Variants in DAB2IP observed in about 807,000 individuals in gnomAD.
The protein encoded by DAB2IP is disabled homolog 2-interacting protein.
Under a neutral mutation model 107.2 loss-of-function variants are expected in DAB2IP, and 28 were observed. The ratio of observed to expected loss-of-function variants is 0.26; its 90% confidence interval spans 0.19 to 0.36. DAB2IP has a LOEUF of 0.36. DAB2IP is among the 10% of genes least tolerant of loss of function. The pLI is 1.00. For synonymous variants in DAB2IP, 755 were observed against 706.4 expected (o/e 1.07, Z -1.09); for missense variants, 1,400 against 1,644.7 (o/e 0.85, Z 2.57).
chr9:121,770,692 G>T, exon 11 of DAB2IP: 1 of 1,614,144 alleles, frequency 6.2e-7, no homozygotes, highest in Non-Finnish European at 8.5e-7. Context: ...CAGCTGGGCT[G>T]CAGAAGATGG....
At chr9:121,602,413 A>G (rs548951728) in intron 1 of DAB2IP, among the ~76,000 whole-genome samples, 4 of 152,142 alleles carry the variant, frequency 2.6e-5, no homozygotes, top group South Asian at 2.1e-4. Context: ...TATATTTTGG[A>G]GACAGGGTCT....
chr9:121,601,216 A>G (rs1222226916), intron 1 of DAB2IP, among the ~76,000 whole-genome samples: 1 of 152,186 alleles, frequency 6.6e-6, no homozygotes, highest in African/African-American at 2.4e-5. Flanking sequence ...AGAGCAAATG[A>G]ACTAAATAAC....
In DAB2IP at chr9:121,599,268, C is replaced by T. The variant is rs114696606; in HGVS notation, c.40+32040C>T. On this transcript the variant is annotated intron_variant, in intron 1 of 16. Transcript: ENST00000259371. This position sits in a 1 kb window ranked among gnomAD's most constrained non-coding sequence, Gnocchi z 6.9. ...CTCTGGACTCCTGGAGGCCTGGGGA[C>T]TCCGGGAGGGGAGGGGGCGTGTGGT... Among the ~76,000 whole-genome samples the T allele has an allele frequency of 3.7e-3, 561 of 152,294 alleles. 3 individuals are homozygous for T. Among genetic ancestry groups the T allele is most frequent in the African/African-American group, 0.013 (538 of 41,586 alleles).
intron 8 of DAB2IP, among the ~76,000 whole-genome samples, chr9:121,764,291 T>A (rs562355677): frequency 6.9e-4 from 105 of 152,280 alleles, no homozygotes; most frequent in African/African-American, 2.5e-3. Context: ...CAGGGGCACG[T>A]TGGGGGCCTG....
At chr9:121,621,992 T>C (rs1182703647) in intron 1 of DAB2IP, among the ~76,000 whole-genome samples, 7 of 135,280 alleles carry the variant, frequency 5.2e-5, no homozygotes, top group Non-Finnish European at 1.1e-4. Context: ...TTCTTTTTTT[T>C]TTTTTTTTTT....
chr9:121,614,454 C>T (rs1454657312), intron 1 of DAB2IP, among the ~76,000 whole-genome samples: 4 of 149,440 alleles, frequency 2.7e-5, no homozygotes, highest in Non-Finnish European at 5.9e-5. Context: ...GATTCTCCTG[C>T]CTCAGCCTCC....
chr9:121,695,002 CTG>C (rs1829349111), intron 2 of DAB2IP, among the ~76,000 whole-genome samples: 2 of 152,142 alleles, frequency 1.3e-5, no homozygotes, highest in Non-Finnish European at 2.9e-5. Flanking sequence ...TCCCTGCAGA[CTG>C]TGTAGGCTGC....
intron 1 of DAB2IP, among the ~76,000 whole-genome samples, chr9:121,618,418 T>G (rs967658624): frequency 1.3e-5 from 2 of 152,238 alleles, no homozygotes; most frequent in South Asian, 2.1e-4. Flanking sequence ...TGGAGTGCAG[T>G]GGCACAACCT....
chr9:121,651,906 G>A lies in DAB2IP; in HGVS notation c.124+7G>A. 7.2e-7 allele frequency: 1 copy of A among 1,383,674 alleles called. No homozygotes were observed. The highest frequency in any genetic ancestry group is 1.5e-5 in the African/African-American group (1 of 67,484). 85.7% of individuals were successfully genotyped at this position (1,383,674 alleles called of 1,614,324 possible). A position where few individuals can be genotyped will look rare whatever the true frequency, so the allele number is the denominator to read the frequency against. On this transcript the variant is annotated splice_region_variant and intron_variant, in intron 1 of 15. Coordinates refer to ENST00000408936, the Ensembl canonical transcript of DAB2IP. This position sits in a 1 kb window ranked among gnomAD's most constrained non-coding sequence, Gnocchi z 5.1. The stretch of plus-strand genomic sequence containing the variant: ...CGGACCCGGCCTGCCAGGGGTAGGC[G>A]CCACCCCGACCCCTGACCCCTAGAC...
intron 1 of DAB2IP, among the ~76,000 whole-genome samples, chr9:121,576,410 ATC>A (rs1293594940): frequency 6.6e-6 from 1 of 151,614 alleles, no homozygotes; most frequent in African/African-American, 2.4e-5. Flanking sequence ...ACACTCTTTC[ATC>A]TTAGCCTTCC....
intron 2 of DAB2IP, among the ~76,000 whole-genome samples, chr9:121,695,642 G>C (rs1287917573): frequency 6.6e-6 from 1 of 152,186 alleles, no homozygotes; most frequent in Non-Finnish European, 1.5e-5. Flanking sequence ...GATACAGCCA[G>C]GCCTTAGTGG....
chr9:121,614,438 TCAA>T (rs1438445690), intron 1 of DAB2IP, among the ~76,000 whole-genome samples: 1 of 151,028 alleles, frequency 6.6e-6, no homozygotes, highest in Admixed American at 6.6e-5. Context: ...CCTCCTAGGT[TCAA>T]GTGATTCTCC....
chr9:121,580,633 T>C (rs1041945184), intron 1 of DAB2IP, among the ~76,000 whole-genome samples: 6 of 151,880 alleles, frequency 4.0e-5, no homozygotes, highest in African/African-American at 1.5e-4. Context: ...AGAACTTTTT[T>C]TTTTTTTCTG....
At position 121,701,969 on chromosome 9, in the gene DAB2IP, C is replaced by T. The variant is rs1255028675; in HGVS notation, c.362+2511C>T. 1.3e-5 allele frequency among the ~76,000 whole-genome samples: 2 copies of T among 152,116 alleles called. No homozygotes were observed. The highest frequency in any genetic ancestry group is 2.9e-5 in the Non-Finnish European group (2 of 68,030). The stretch of plus-strand genomic sequence containing the variant: ...GCTGGGGAGAGGGTAAGTGCCAAGA[C>T]GCTAGCCTCAGTGAGTGGGTGGGAC... On this transcript the variant is annotated intron_variant, in intron 3 of 15. Transcript: ENST00000408936. The surrounding 1 kb of genome is among the most constrained non-coding windows in gnomAD (Gnocchi z 4.7).
intron 5 of DAB2IP, 44 bp downstream of exon 5, chr9:121,759,040 A>C (rs769265042): frequency 3.9e-6 from 6 of 1,556,560 alleles, no homozygotes; most frequent in Non-Finnish European, 5.3e-6. Context: ...GATTGAAGGT[A>C]GGCTCAGATA....
chr9:121,779,433 T>A (rs1408708803), intron 14 of DAB2IP, among the ~76,000 whole-genome samples: 1 of 152,240 alleles, frequency 6.6e-6, no homozygotes, highest in Non-Finnish European at 1.5e-5. Flanking sequence ...AATTTTTGGT[T>A]GGATGCCAGG....
chr9:121,777,611 AAATGTCAGTTAGGTAG>A (rs1385076244), intron 14 of DAB2IP, among the ~76,000 whole-genome samples: 1 of 152,242 alleles, frequency 6.6e-6, no homozygotes, highest in Non-Finnish European at 1.5e-5. Flanking sequence ...TCCTTAATGT[AAATGTCAGTTAGGTAG>A]ATAGTGTTCA....
chr9:121,742,671 T>G, intron 3 of DAB2IP: 1 of 944,032 alleles, frequency 1.1e-6, no homozygotes, highest in Non-Finnish European at 1.3e-6. Flanking sequence ...CTTGCCTGAG[T>G]CCTGGGCTTG....
At chr9:121,567,219 G>A (rs199630836) in exon 1 of DAB2IP, 16 of 1,614,030 alleles carry the variant, frequency 9.9e-6, no homozygotes, top group East Asian at 2.2e-5. Context: ...GGACCAAGAC[G>A]ACTCCTACGG....
Sources: allele counts gnomAD v4.1 joint callset (sites outside exome capture counted in the v4.1 genomes callset), GRCh38; gene constraint gnomAD v4.1.1; non-coding constraint Gnocchi (gnomAD v3.1); transcripts MANE v1.5; gene names NCBI Gene and HGNC (gene_info 2026-07-23, HGNC 2026-07-21).